The following SH3BP1 variants were observed in gnomAD, a reference collection of about 807,000 sequenced individuals.
SH3BP1 encodes the protein SH3 domain-binding protein 1.
Under a neutral mutation model 69.8 loss-of-function variants are expected in SH3BP1, and 46 were observed. The observed-to-expected ratio is 0.66, with a 90% CI of 0.52 to 0.84. The LOEUF (loss-of-function observed/expected upper bound fraction) is 0.84. Ranked by LOEUF, SH3BP1 falls within the 40% of genes least tolerant of loss-of-function variation. The probability of loss-of-function intolerance (pLI) is 0.00; values close to 1 mark genes in which losing one functional copy is unlikely to be tolerated. For synonymous variants in SH3BP1, 403 were observed against 378.0 expected (o/e 1.07, Z -0.77); for missense variants, 868 against 930.9 (o/e 0.93, Z 0.88).
At chr22:37,647,195 A>C in intron 11 of SH3BP1, 72 bp from the exon 12 acceptor site, 1 of 1,332,144 alleles carries the variant, frequency 7.5e-7, no homozygotes, top group Non-Finnish European at 1.1e-6. Context: ...CAAGGGCCGG[A>C]GGTTCCTTCT....
chr22:37,644,986 ACAC>A, intron 9 of SH3BP1, 26 bp downstream of exon 9: 1 of 1,597,444 alleles, frequency 6.3e-7, no homozygotes, highest in East Asian at 2.2e-5. Context: ...CGGCGATACC[ACAC>A]CCCTGACCCT....
At chr22:37,645,750 G>A (rs1311667716) in intron 10 of SH3BP1, among the ~76,000 whole-genome samples, 1 of 152,114 alleles carries the variant, frequency 6.6e-6, no homozygotes. Flanking sequence ...TTCACAAGAG[G>A]GAGACAGAGG....
At chr22:37,652,151 A>T (rs1052885451) in intron 16 of SH3BP1, among the ~76,000 whole-genome samples, 9 of 152,086 alleles carry the variant, frequency 5.9e-5, no homozygotes, top group Admixed American at 4.6e-4. Flanking sequence ...TCTACTAAAA[A>T]TACAAAAAAT....
At position 37,643,027 on chromosome 22, in the gene SH3BP1, C is replaced by T. The variant is rs759283962; in HGVS notation, c.396+21C>T. The T allele has an allele frequency of 3.1e-6, 5 of 1,610,526 alleles. No individual in the cohort carries two copies. In the South Asian group the frequency reaches 3.3e-5, roughly 11 times the overall value. ...GTGAGGTGAGCCTGTGCCCTGCTTTCAGCCCCCAGCTTCCCCAGCTTCTGG... is the reference window on the plus strand; with the variant it reads ...GTGAGGTGAGCCTGTGCCCTGCTTTTAGCCCCCAGCTTCCCCAGCTTCTGG... On this transcript the variant is annotated intron_variant, in intron 5 of 17. Coordinates refer to ENST00000649765, the MANE Select transcript of SH3BP1 (RefSeq NM_018957.6).
In SH3BP1 at chr22:37,642,920, A is replaced by G; in HGVS notation, c.310A>G (p.Ile104Val). ...MGKALEMSCA[I>V]QNQLARILAE... ...GAAGGCCTTGGAGATGAGCTGTGCCATCCAGAATCAGCTGGCCCGCATCCT... is the reference window on the plus strand; with the variant it reads ...GAAGGCCTTGGAGATGAGCTGTGCCGTCCAGAATCAGCTGGCCCGCATCCT... The change falls in exon 5 of 18, where the codon ATC (isoleucine) becomes GTC (valine). Residue 104 changes from isoleucine (I) to valine (V), a missense_variant. Ile to Val is a conservative substitution (Grantham distance 29, BLOSUM62 3). Transcript: ENST00000649765. 6.2e-7 allele frequency: 1 copy of G among 1,612,758 alleles called. No individual in the cohort carries two copies. Among genetic ancestry groups the G allele is most frequent in the Non-Finnish European group, 8.5e-7 (1 of 1,179,974 alleles).
chr22:37,655,511 G>A lies in SH3BP1; in HGVS notation c.1933G>A (p.Ala645Thr). 8 of 1,563,544 alleles carry A rather than the reference G, an allele frequency of 5.1e-6. No homozygotes were observed. The highest frequency in any genetic ancestry group is 6.9e-6 in the Non-Finnish European group (8 of 1,156,978). Residue 645 changes from alanine (A) to threonine (T), a missense_variant, in exon 18 of 18, where the codon GCC becomes ACC. Around this residue, in one of 3 missense-constraint regions of SH3BP1, gnomAD observed 474 missense variants for 462.3 expected, o/e 1.03. Coordinates refer to ENST00000649765, the MANE Select transcript of SH3BP1 (RefSeq NM_018957.6). ...GCGTTCACCAGCCTCCCCCAGCCCG[G>A]CCTCCCCAGGTCCAGCCTCCCCCAG... ...SRRSPASPSPASPGPASPSPV... is the reference protein window; with the variant it reads ...SRRSPASPSPTSPGPASPSPV...
Position 37,647,533 on chromosome 22 carries a change from C to T in SH3BP1, c.1199+12C>T. 1 of 1,587,102 alleles carries T rather than the reference C, an allele frequency of 6.3e-7. No individual in the cohort carries two copies. On this transcript the variant is annotated intron_variant, in intron 13 of 17. Transcript: ENST00000649765. ...CTCAGCAACCTCAGGTGAGCCCGAGCCCGCCTCCCCAGCCTGCCGCAGAGC... is the reference window on the plus strand; with the variant it reads ...CTCAGCAACCTCAGGTGAGCCCGAGTCCGCCTCCCCAGCCTGCCGCAGAGC...
rs1435496568 is a variant in SH3BP1 at position 37,643,762 on chromosome 22, C to G, written c.592C>G (p.Leu198Val). 6.2e-7 allele frequency: 1 copy of G among 1,613,426 alleles called. No individual in the cohort carries two copies. The highest frequency in any genetic ancestry group is 1.3e-5 in the African/African-American group (1 of 74,882). Reference sequence around the variant, plus strand: ...GACGCTGAAGGAGGAGGAGGAGGAGCTGAAGAGGAAAGTGGAGCAATGCAG... The same window carrying G: ...GACGCTGAAGGAGGAGGAGGAGGAGGTGAAGAGGAAAGTGGAGCAATGCAG... ...VETLKEEEEELKRKVEQCRDE... is the reference protein window; with the variant it reads ...VETLKEEEEEVKRKVEQCRDE... Residue 198 changes from leucine (L) to valine (V), a missense_variant, in exon 7 of 18, where the codon CTG becomes GTG. Coordinates refer to ENST00000649765, the MANE Select transcript of SH3BP1 (RefSeq NM_018957.6).
In SH3BP1 at chr22:37,644,383, G is replaced by A. The variant is rs563314076; in HGVS notation, c.619-254G>A. Among the ~76,000 whole-genome samples the A allele has an allele frequency of 2.0e-4, 30 of 152,278 alleles. 3 individuals are homozygous for A. In the South Asian group the frequency reaches 4.3e-3, roughly 22 times the overall value. On this transcript the variant is annotated intron_variant, in intron 7 of 17. Transcript: ENST00000649765. ...AACAGTGTGAGACTCCGTCTCAAACGAAACAAAACAAAAAACAAGGCACTG... is the reference window on the plus strand; with the variant it reads ...AACAGTGTGAGACTCCGTCTCAAACAAAACAAAACAAAAAACAAGGCACTG...
At position 37,644,908 on chromosome 22, in the gene SH3BP1, G is replaced by A. The variant is rs758936930; in HGVS notation, c.726G>A (p.Leu242=). The A allele has an allele frequency of 1.2e-6, 2 of 1,613,900 alleles. No individual in the cohort carries two copies. The highest frequency in any genetic ancestry group is 1.7e-6 in the Non-Finnish European group (2 of 1,180,038). ...EIQADYHRRS[L]SSLDTALAEL... is the part of the protein sequence containing the mutation. ...AGGCCGATTACCATCGCAGGTCACTGAGCTCGCTGGACACAGCCCTGGCTG... is the reference window on the plus strand; with the variant it reads ...AGGCCGATTACCATCGCAGGTCACTAAGCTCGCTGGACACAGCCCTGGCTG... Residue 242 remains leucine, a synonymous_variant, in exon 9 of 18, where the codon CTG becomes CTA. Transcript: ENST00000649765.
At chr22:37,644,000 G>A (rs760926011) in intron 7 of SH3BP1, among the ~76,000 whole-genome samples, 4 of 152,236 alleles carry the variant, frequency 2.6e-5, no homozygotes, top group Non-Finnish European at 5.9e-5. Flanking sequence ...TCTGTTCCCT[G>A]AGTCTCCATG....
At position 37,653,791 on chromosome 22, in the gene SH3BP1, G is replaced by C. The variant is rs1055444592; in HGVS notation, c.1611G>C (p.Glu537Asp). ...SAATKERTES[E>D]VPPRPASPKV... The stretch of plus-strand genomic sequence containing the variant: ...CTTCCCTCTGCAGGACAGAGTCTGA[G>C]GTGCCTCCCAGACCAGCCTCCCCCA... Residue 537 changes from glutamate to aspartate, a missense_variant, in exon 17 of 18, where the codon GAG becomes GAC. Glu to Asp is a conservative substitution (Grantham distance 45). Transcript: ENST00000649765. 1 of 1,613,278 alleles carries C rather than the reference G, an allele frequency of 6.2e-7. No homozygotes were observed. The highest frequency in any genetic ancestry group is 8.5e-7 in the Non-Finnish European group (1 of 1,179,500).
chr22:37,639,905 A>G (rs1932518264), intron 1 of SH3BP1, 59 bp downstream of exon 1: 2 of 1,295,624 alleles, frequency 1.5e-6, no homozygotes, highest in Admixed American at 4.7e-5. Flanking sequence ...GGGGTCGTAA[A>G]AGGGTCGGGG....
chr22:37,643,342 G>A (rs1479155929), intron 6 of SH3BP1, 168 bp downstream of exon 6: 3 of 693,656 alleles, frequency 4.3e-6, no homozygotes, highest in Non-Finnish European at 4.9e-6. Flanking sequence ...TAGCGTATCT[G>A]TGAGGGTGTG....
intron 7 of SH3BP1, 63 bp downstream of exon 7, chr22:37,643,851 A>C: frequency 7.6e-6 from 12 of 1,587,118 alleles, no homozygotes; most frequent in Non-Finnish European, 1.0e-5. Context: ...GGCCCATCTC[A>C]CAGGCAAGGA....
intron 4 of SH3BP1, 121 bp downstream of exon 4, chr22:37,642,736 A>T: frequency 6.2e-7 from 1 of 1,603,426 alleles, no homozygotes; most frequent in African/African-American, 1.3e-5. Context: ...GACAGTTCCC[A>T]GGTCAGTGAG....
At position 37,650,536 on chromosome 22, in the gene SH3BP1, C is replaced by A; in HGVS notation, c.1415-6C>A. On this transcript the variant is annotated splice_region_variant and splice_polypyrimidine_tract_variant and intron_variant, in intron 15 of 17. Coordinates refer to ENST00000649765, the MANE Select transcript of SH3BP1 (RefSeq NM_018957.6). The stretch of plus-strand genomic sequence containing the variant: ...TGAGAGCCGTCTCCGCTCCTTCTGT[C>A]TCCAGACATCAACTTCAACGTGTCA... The A allele has an allele frequency of 6.2e-7, 1 of 1,606,668 alleles. No homozygotes were observed. Among genetic ancestry groups the A allele is most frequent in the Admixed American group, 1.7e-5 (1 of 59,304 alleles).
Position 37,656,053 on chromosome 22 carries a change from C to T in SH3BP1, c.*369C>T, listed in dbSNP as rs761856534. 4 of 1,374,580 alleles carry T rather than the reference C, an allele frequency of 2.9e-6. No individual in the cohort carries two copies. Among genetic ancestry groups the T allele is most frequent in the Non-Finnish European group, 3.8e-6 (4 of 1,039,762 alleles). The allele number at this position is 1,374,580 out of a possible 1,614,324, so 85.1% of individuals were successfully genotyped here. On this transcript the variant is annotated 3_prime_UTR_variant, in exon 18 of 18. Coordinates refer to ENST00000649765, the MANE Select transcript of SH3BP1 (RefSeq NM_018957.6). ...TTTGGACAAAACTGGAGCAGCTGCC[C>T]AAATGATAGTTTTATTTTCTGTCCT...
At chr22:37,650,431 G>C (rs1932855983) in intron 15 of SH3BP1, 111 bp from the exon 16 acceptor site, 6 of 1,504,310 alleles carry the variant, frequency 4.0e-6, no homozygotes, top group Non-Finnish European at 5.4e-6. Context: ...CGGGAGTGGG[G>C]AAGCTGAACA....
Sources: allele counts gnomAD v4.1 joint callset (sites outside exome capture counted in the v4.1 genomes callset), GRCh38; gene constraint gnomAD v4.1.1; regional missense constraint gnomAD v4.1.1; transcripts MANE v1.5; gene names NCBI Gene and HGNC (gene_info 2026-07-23, HGNC 2026-07-21).